The following LINS1 variants were observed in gnomAD, a reference collection of about 807,000 sequenced individuals.
The protein encoded by LINS1 is lines homolog 1.
LINS1 carries 27 observed loss-of-function variants against 41.6 expected under a neutral mutation model. The ratio of observed to expected loss-of-function variants is 0.65; its 90% CI spans 0.48 to 0.89. LINS1 has a LOEUF of 0.89. LINS1 is among the 40% of genes least tolerant of loss of function. The probability of loss-of-function intolerance (pLI) is 0.00; values close to 1 mark genes in which losing one functional copy is unlikely to be tolerated. For synonymous variants in LINS1, 336 were observed against 312.9 expected (o/e 1.07, Z -0.78); for missense variants, 955 against 884.1 (o/e 1.08, Z -1.02).
At chr15:100,590,815 G>A (rs1037797672) in intron 1 of LINS1, among the ~76,000 whole-genome samples, 8 of 152,114 alleles carry the variant, frequency 5.3e-5, no homozygotes, top group African/African-American at 1.7e-4. Flanking sequence ...GATTTTAGGT[G>A]GTTTGGTTTA....
At position 100,569,822 on chromosome 15, in the gene LINS1, C is replaced by T. The variant is rs369153911; in HGVS notation, c.1690G>A (p.Val564Ile). The change falls in exon 7 of 7, where the codon GTC (valine) becomes ATC (isoleucine). Residue 564 changes from valine to isoleucine, a missense_variant. Physicochemically the swap from Val to Ile is conservative, Grantham distance 29. Transcript: ENST00000314742. ...GTTTGGTTGGAGCTTTGGTCTTGGA[C>T]AAGTGAGGGGACACAGCCACAAATA... ...ISICGCVPSL[V>I]QDQSSNQTIP... The T allele has an allele frequency of 1.2e-6, 2 of 1,614,012 alleles. No homozygotes were observed. Among genetic ancestry groups the T allele is most frequent in the Non-Finnish European group, 1.7e-6 (2 of 1,180,020 alleles).
At chr15:100,590,964 A>G (rs1035114420) in intron 1 of LINS1, among the ~76,000 whole-genome samples, 1 of 152,128 alleles carries the variant, frequency 6.6e-6, no homozygotes, top group Non-Finnish European at 1.5e-5. Flanking sequence ...AGATCACCTG[A>G]GGACAGGAGT....
intron 1 of LINS1, among the ~76,000 whole-genome samples, chr15:100,601,158 A>G (rs1020784207): frequency 6.6e-6 from 1 of 152,192 alleles, no homozygotes; most frequent in African/African-American, 2.4e-5. Context: ...TCCCTGCTCA[A>G]ATGTCACTTC....
intron 1 of LINS1, among the ~76,000 whole-genome samples, chr15:100,594,550 C>G (rs1379736676): frequency 6.6e-6 from 1 of 152,154 alleles, no homozygotes. Flanking sequence ...ATGCCCAAGT[C>G]CCATATATAA....
chr15:100,573,608 TA>T, intron 5 of LINS1, 42 bp downstream of exon 5: 2 of 1,193,464 alleles, frequency 1.7e-6, no homozygotes, highest in Admixed American at 1.8e-5. Flanking sequence ...TGTACTTAAG[TA>T]AATAATTACA....
At position 100,602,104 on chromosome 15, in the gene LINS1, C is replaced by A. The variant is rs958823234; in HGVS notation, c.-104+17G>T. 6.6e-6 allele frequency: 1 copy of A among 152,354 alleles called. No individual in the cohort carries two copies. Among genetic ancestry groups the A allele is most frequent in the African/African-American group, 2.4e-5 (1 of 41,472 alleles). 9.4% of individuals were successfully genotyped at this position (152,354 alleles called of 1,614,324 possible). On this transcript the variant is annotated intron_variant, in intron 1 of 6. Transcript: ENST00000314742. ...CCTCCCCTGCTGCCAGCACGGCGGC[C>A]GGTCCCGGTTACCTGCCTGGGATCT...
chr15:100,572,076 T>C lies in LINS1; in HGVS notation c.1223-11A>G, dbSNP rs751599324. 3.7e-6 allele frequency: 6 copies of C among 1,613,922 alleles called. No individual in the cohort carries two copies. In the Admixed American group the frequency reaches 8.3e-5, roughly 22 times the overall value. ...ACCTCTGTAAGTCAACTTCAAAAAA[T>C]GAAAATTTCAAAGTGTAGGCAATAG... On this transcript the variant is annotated splice_polypyrimidine_tract_variant and intron_variant, in intron 5 of 6. Coordinates refer to ENST00000314742, the MANE Select transcript of LINS1 (RefSeq NM_001040616.3).
Position 100,580,628 on chromosome 15 carries a change from G to T in LINS1, c.215C>A (p.Ala72Glu). 6.2e-7 allele frequency: 1 copy of T among 1,613,968 alleles called. No homozygotes were observed. Residue 72 changes from alanine (A) to glutamate (E), a missense_variant, in exon 2 of 7, where the codon GCA (alanine) becomes GAA (glutamate). Coordinates refer to ENST00000314742, the MANE Select transcript of LINS1 (RefSeq NM_001040616.3). ...ISVGVAPIAV[A>E]PVCLKTNSQM... is the part of the protein sequence containing the mutation. Reference sequence around the variant, plus strand: ...AGAGTTGGTCTTCAAACACACAGGTGCTACAGCAATGGGAGCCACACCAAC... The same window carrying T: ...AGAGTTGGTCTTCAAACACACAGGTTCTACAGCAATGGGAGCCACACCAAC...
At position 100,578,332 on chromosome 15, in the gene LINS1, AAAAC is replaced by A. The variant is rs1467867917; in HGVS notation, c.489+1927_489+1930del. Among the ~76,000 whole-genome samples, 18 of 152,326 alleles carry A rather than the reference AAAAC, an allele frequency of 1.2e-4. No individual in the cohort carries two copies. In the South Asian group the frequency reaches 2.9e-3, roughly 25 times the overall value. Reference sequence around the variant, plus strand: ...ATAACTCAAACAAATTTACAAGAAAAAAACAAACAACCTCATCAAAAAGTGGGCA... The same window carrying A: ...ATAACTCAAACAAATTTACAAGAAAAAAACAACCTCATCAAAAAGTGGGCA... On this transcript the variant is annotated intron_variant, in intron 3 of 6. Coordinates refer to ENST00000314742, the MANE Select transcript of LINS1 (RefSeq NM_001040616.3).
In LINS1 at chr15:100,600,551, C is replaced by CCAAAAAAAAA. The variant is rs777968890; in HGVS notation, c.-104+1569_-104+1570insTTTTTTTTTG. On this transcript the variant is annotated intron_variant, in intron 1 of 6. Coordinates refer to ENST00000314742, the MANE Select transcript of LINS1 (RefSeq NM_001040616.3). ...TTTACATTGGAGTCCTGCTGTTAAG[C>CCAAAAAAAAA]AAAAAAAAAAAAAAAAAAAACAGGG... is the stretch of plus-strand genomic sequence containing the variant. 1.2e-3 allele frequency among the ~76,000 whole-genome samples: 94 copies of CCAAAAAAAAA among 79,686 alleles called. 1 individual carries two copies. Among genetic ancestry groups the CCAAAAAAAAA allele is most frequent in the African/African-American group, 5.8e-3 (87 of 15,018 alleles). 52.3% of individuals were successfully genotyped at this position (79,686 alleles called of 152,430 possible).
chr15:100,569,136 A>AAAAG lies in LINS1; in HGVS notation c.*101_*102insCTTT. The AAAAG allele has an allele frequency of 1.2e-5, 10 of 802,854 alleles. No homozygotes were observed. The highest frequency in any genetic ancestry group is 5.2e-5 in the African/African-American group (3 of 57,638). 49.7% of individuals were successfully genotyped at this position (802,854 alleles called of 1,614,324 possible). ...AGATTCTGTCTCAAAAAAAAAAAAA[A>AAAAG]AAAAGAAAACCCTTTTATGGTGATG... is the stretch of plus-strand genomic sequence containing the variant. On this transcript the variant is annotated 3_prime_UTR_variant, in exon 7 of 7. Transcript: ENST00000314742.
At chr15:100,570,480 T>C (rs3764201) in intron 6 of LINS1, 75,869 of 188,078 alleles carry the variant, frequency 0.4, 16,270 homozygotes, top group Non-Finnish European at 0.48. Flanking sequence ...GTGACCCAGA[T>C]TGACCAATCA....
chr15:100,589,856 C>T (rs774413668), intron 1 of LINS1, among the ~76,000 whole-genome samples: 9 of 152,160 alleles, frequency 5.9e-5, no homozygotes, highest in African/African-American at 9.7e-5. Context: ...TAAGTCATTA[C>T]GCCACAGTGT....
At chr15:100,601,431 C>G (rs369777652) in intron 1 of LINS1, among the ~76,000 whole-genome samples, 8 of 152,252 alleles carry the variant, frequency 5.3e-5, no homozygotes, top group Admixed American at 3.9e-4. Context: ...GATCAATCCA[C>G]TCGTGAAGAC....
At chr15:100,600,419 G>A (rs999122200) in intron 1 of LINS1, among the ~76,000 whole-genome samples, 2 of 152,076 alleles carry the variant, frequency 1.3e-5, no homozygotes, top group African/African-American at 2.4e-5. Context: ...ACTCCATTCT[G>A]ATTTGGCCTG....
At chr15:100,583,034 C>T (rs916848532) in intron 1 of LINS1, among the ~76,000 whole-genome samples, 51 of 135,852 alleles carry the variant, frequency 3.8e-4, no homozygotes, top group African/African-American at 1.2e-3. Context: ...GTCTACACTA[C>T]GGCCCACCAG....
At chr15:100,599,757 T>G (rs190102494) in intron 1 of LINS1, among the ~76,000 whole-genome samples, 1 of 152,226 alleles carries the variant, frequency 6.6e-6, no homozygotes, top group Non-Finnish European at 1.5e-5. Context: ...GTACATTATA[T>G]TTGAACTGTT....
intron 3 of LINS1, among the ~76,000 whole-genome samples, chr15:100,576,086 T>C (rs1421031874): frequency 6.6e-6 from 1 of 152,116 alleles, no homozygotes; most frequent in African/African-American, 2.4e-5. Context: ...AGATCTAAAA[T>C]TGACACCCTA....
chr15:100,590,311 T>C (rs1015225810), intron 1 of LINS1, among the ~76,000 whole-genome samples: 1 of 152,230 alleles, frequency 6.6e-6, no homozygotes. Context: ...GCCAGCCTCG[T>C]ATATGAATAA....
Sources: allele counts gnomAD v4.1 joint callset (sites outside exome capture counted in the v4.1 genomes callset), GRCh38; gene constraint gnomAD v4.1.1; transcripts MANE v1.5; gene names NCBI Gene and HGNC (gene_info 2026-07-23, HGNC 2026-07-21).